LTBP1: variants seen among roughly 807,000 people sequenced by gnomAD.
LTBP1 encodes latent transforming growth factor beta binding protein 1.
Under a neutral mutation model 207.6 loss-of-function variants are expected in LTBP1, and 129 were observed. That is an observed-to-expected ratio of 0.62 (90% CI 0.54 to 0.72). The LOEUF (loss-of-function observed/expected upper bound fraction) is 0.72. Among genes scored for constraint, LTBP1 ranks in the 30% least tolerant of loss-of-function variants. The pLI is 0.00. For missense variants in LTBP1, 2,281 were observed against 2,217.2 expected, an observed-to-expected ratio of 1.03 and a Z score of -0.58; for synonymous variants, 963 against 833.7, an observed-to-expected ratio of 1.16 and a Z score of -2.67.
chr2:33,230,894 G>A (rs968447261), intron 9 of LTBP1, among the ~76,000 whole-genome samples: 7 of 51,136 alleles, frequency 1.4e-4, no homozygotes, highest in African/African-American at 2.8e-4. Context: ...TTTTTGGCAC[G>A]TACTGTGGGC....
chr2:33,395,405 A>G (rs2095349778), intron 32 of LTBP1, among the ~76,000 whole-genome samples: 1 of 152,326 alleles, frequency 6.6e-6, no homozygotes, highest in Admixed American at 6.5e-5. Context: ...TTTACAAGGT[A>G]CACATAGGGA....
chr2:33,343,275 A>T (rs2094654584), intron 25 of LTBP1, among the ~76,000 whole-genome samples: 1 of 151,656 alleles, frequency 6.6e-6, no homozygotes, highest in African/African-American at 2.4e-5. Context: ...GCCAGGCTTG[A>T]TGGTGGATGC....
At chr2:33,205,031 C>A (rs2089724276) in intron 7 of LTBP1, among the ~76,000 whole-genome samples, 1 of 152,220 alleles carries the variant, frequency 6.6e-6, no homozygotes, top group Non-Finnish European at 1.5e-5. Flanking sequence ...CTCCAAACCT[C>A]TATGATGATT....
At chr2:33,368,467 G>A (rs1252551416) in intron 31 of LTBP1, among the ~76,000 whole-genome samples, 1 of 152,204 alleles carries the variant, frequency 6.6e-6, no homozygotes, top group Non-Finnish European at 1.5e-5. Context: ...TTCCCTTTGG[G>A]TAGGTACCCA....
intron 3 of LTBP1, among the ~76,000 whole-genome samples, chr2:33,089,370 G>A (rs773348418): frequency 1.3e-5 from 2 of 152,142 alleles, no homozygotes; most frequent in South Asian, 4.1e-4. Flanking sequence ...AAACACTAGA[G>A]TCAGCGATAC....
intron 5 of LTBP1, among the ~76,000 whole-genome samples, chr2:33,139,009 CT>C (rs1441870913): frequency 6.6e-6 from 1 of 150,820 alleles, no homozygotes. Flanking sequence ...CAGGCGCCCG[CT>C]ACCACGCCCG....
chr2:33,396,490 G>A (rs1266726640), intron 32 of LTBP1, among the ~76,000 whole-genome samples: 2 of 152,200 alleles, frequency 1.3e-5, no homozygotes, highest in South Asian at 4.1e-4. Flanking sequence ...CCAAAGTGCT[G>A]GGATTATAGG....
chr2:33,345,411 A>G (rs1573943369), intron 25 of LTBP1, among the ~76,000 whole-genome samples: 2 of 152,266 alleles, frequency 1.3e-5, no homozygotes, highest in African/African-American at 2.4e-5. Context: ...AAGCTAGGAA[A>G]TATTTCTTGA....
Position 33,398,594 on chromosome 2 carries a change from A to C in LTBP1, c.*49A>C. The C allele has an allele frequency of 6.6e-7, 1 of 1,508,354 alleles. No homozygotes were observed. The highest frequency in any genetic ancestry group is 9.0e-7 in the Non-Finnish European group (1 of 1,116,058). The allele number at this position is 1,508,354 out of a possible 1,614,324, so 93.4% of individuals were successfully genotyped here. ...CCATATACTCTGCACTGTGTAAAGG[A>C]AAAGGGAGAAATGTATTATACTTGA... is the stretch of plus-strand genomic sequence containing the variant. On this transcript the variant is annotated 3_prime_UTR_variant, in exon 34 of 34. Coordinates refer to ENST00000404816, the MANE Select transcript of LTBP1 (RefSeq NM_206943.4).
chr2:33,040,615 C>A (rs1481123672), intron 3 of LTBP1, among the ~76,000 whole-genome samples: 1 of 152,182 alleles, frequency 6.6e-6, no homozygotes, highest in African/African-American at 2.4e-5. Flanking sequence ...TCTCTTCCCT[C>A]TTCCTGCTCC....
chr2:32,995,746 G>A (rs749487744), intron 2 of LTBP1, among the ~76,000 whole-genome samples: 52 of 151,956 alleles, frequency 3.4e-4, no homozygotes, highest in South Asian at 6.3e-4. Flanking sequence ...CCAAGATTGC[G>A]CCACTGCACT....
chr2:33,126,942 T>C (rs1299431797), intron 4 of LTBP1, among the ~76,000 whole-genome samples: 1 of 152,256 alleles, frequency 6.6e-6, no homozygotes, highest in African/African-American at 2.4e-5. Context: ...TACAACTAAG[T>C]GCTTCAACAG....
At chr2:33,313,785 A>G (rs1322170852) in intron 23 of LTBP1, among the ~76,000 whole-genome samples, 6 of 152,188 alleles carry the variant, frequency 3.9e-5, no homozygotes, top group Non-Finnish European at 7.3e-5. Flanking sequence ...AGACCCTGCA[A>G]TGTACCCAAT....
At chr2:33,053,582 G>A (rs1364651506) in intron 3 of LTBP1, among the ~76,000 whole-genome samples, 3 of 151,884 alleles carry the variant, frequency 2.0e-5, no homozygotes, top group African/African-American at 4.8e-5. Flanking sequence ...TGATTAGAGG[G>A]GCCTGGCTAT....
intron 15 of LTBP1, among the ~76,000 whole-genome samples, chr2:33,267,279 G>T (rs1380244579): frequency 6.6e-6 from 1 of 152,206 alleles, no homozygotes; most frequent in African/African-American, 2.4e-5. Context: ...GGCAAGTGTG[G>T]GATCTGGGCT....
intron 10 of LTBP1, among the ~76,000 whole-genome samples, chr2:33,245,665 C>G (rs2092485290): frequency 6.6e-6 from 1 of 152,172 alleles, no homozygotes; most frequent in Non-Finnish European, 1.5e-5. Flanking sequence ...GGCCAAAAAT[C>G]ACATTGTTGA....
In LTBP1 at chr2:33,307,814, A is replaced by C. The variant is rs6716750; in HGVS notation, c.3482-1620A>C. ...TTAATTCTGGGTGAACAGTCATTAT[A>C]ATAACGTGGTTTTATTTGATAGAAA... is the stretch of plus-strand genomic sequence containing the variant. On this transcript the variant is annotated intron_variant, in intron 22 of 33. Transcript: ENST00000404816. Among the ~76,000 whole-genome samples the C allele has an allele frequency of 6.8e-3, 1,035 of 152,318 alleles. 8 individuals are homozygous for C. The highest frequency in any genetic ancestry group is 0.022 in the African/African-American group (920 of 41,560).
At chr2:33,392,364 T>C (rs2150663847) in intron 32 of LTBP1, among the ~76,000 whole-genome samples, 1 of 152,232 alleles carries the variant, frequency 6.6e-6, no homozygotes, top group South Asian at 2.1e-4. Context: ...TTTTTGCATT[T>C]TTAGTAGAGA....
chr2:33,306,735 T>A (rs573843566), intron 22 of LTBP1, among the ~76,000 whole-genome samples: 12 of 152,312 alleles, frequency 7.9e-5, no homozygotes, highest in African/African-American at 2.9e-4. Flanking sequence ...TGATCAAATA[T>A]GCTTCTCCTC....
Sources: gnomAD v4.1 joint callset for allele counts (sites outside exome capture counted in the v4.1 genomes callset) on GRCh38, gnomAD v4.1.1 for gene constraint, MANE v1.5 for transcripts, NCBI Gene and HGNC (gene_info 2026-07-23, HGNC 2026-07-21) for gene names.